RPS6KC1: variants seen among roughly 807,000 people sequenced by gnomAD.
RPS6KC1 encodes ribosomal protein S6 kinase C1, also known as inactive ribosomal protein S6 kinase delta-1.
Under a neutral mutation model 103.8 loss-of-function variants are expected in RPS6KC1, and 54 were observed. The ratio of observed to expected loss-of-function variants is 0.52; its 90% CI spans 0.42 to 0.65. The LOEUF (loss-of-function observed/expected upper bound fraction) is 0.65, where lower values mean the gene tolerates loss of function less well. Among genes scored for constraint, RPS6KC1 ranks in the 30% least tolerant of loss-of-function variants. The probability of loss-of-function intolerance (pLI) is 0.00; values close to 1 mark genes in which losing one functional copy is unlikely to be tolerated. For synonymous variants in RPS6KC1, 439 were observed against 438.7 expected, an observed-to-expected ratio of 1.00 and a Z score of -0.01; for missense variants, 1,151 against 1,253.8, an observed-to-expected ratio of 0.92 and a Z score of 1.24.
At chr1:213,512,849 C>G in the RPS6KC1 span, among the ~76,000 whole-genome samples, 1 of 152,164 alleles carries the variant, frequency 6.6e-6, no homozygotes, top group Non-Finnish European at 1.5e-5. Context: ...GGAATTAGTT[C>G]AAAACACTGG....
chr1:213,168,824 A>C (rs1266832188), intron 7 of RPS6KC1, among the ~76,000 whole-genome samples: 1 of 151,934 alleles, frequency 6.6e-6, no homozygotes, highest in Non-Finnish European at 1.5e-5. Flanking sequence ...GGGTTTCACC[A>C]TGTTAGCCAG....
At chr1:213,689,104 C>G in the RPS6KC1 span, among the ~76,000 whole-genome samples, 1 of 152,200 alleles carries the variant, frequency 6.6e-6, no homozygotes, top group Non-Finnish European at 1.5e-5. Flanking sequence ...CGAACATTCT[C>G]TCTCTTCTGG....
rs1392003572 is a variant in RPS6KC1 at position 213,129,716 on chromosome 1, A to G, written c.662A>G (p.Glu221Gly). 6.2e-7 allele frequency: 1 copy of G among 1,614,116 alleles called. No homozygotes were observed. Among genetic ancestry groups the G allele is most frequent in the South Asian group, 1.1e-5 (1 of 91,074 alleles). The change falls in exon 6 of 15, where the codon GAA (glutamate) becomes GGA (glycine). Residue 221 changes from glutamate (E) to glycine (G), a missense_variant. Glu to Gly is a moderately conservative substitution (Grantham distance 98). Transcript: ENST00000366960. ...SEQSKTEEERESRSLFPGSLK... is the reference protein window; with the variant it reads ...SEQSKTEEERGSRSLFPGSLK... ...CAGAGCAAAACAGAAGAAGAACGGGAAAGTCGTAGCCTCTTTCCTGGCAGT... is the reference window on the plus strand; with the variant it reads ...CAGAGCAAAACAGAAGAAGAACGGGGAAGTCGTAGCCTCTTTCCTGGCAGT...
the RPS6KC1 span, among the ~76,000 whole-genome samples, chr1:213,666,582 T>A: frequency 2.6e-5 from 4 of 152,276 alleles, no homozygotes; most frequent in African/African-American, 7.2e-5. Flanking sequence ...CTAGTTTTTC[T>A]GTATGTTTTG....
At chr1:213,687,984 G>C in the RPS6KC1 span, among the ~76,000 whole-genome samples, 6 of 152,208 alleles carry the variant, frequency 3.9e-5, no homozygotes, top group African/African-American at 1.4e-4. Flanking sequence ...TGCTGAGTAA[G>C]CGTGGGTTTA....
chr1:213,407,640 T>C, the RPS6KC1 span, among the ~76,000 whole-genome samples: 1 of 152,380 alleles, frequency 6.6e-6, no homozygotes, highest in Non-Finnish European at 1.5e-5. Context: ...AAACATACTG[T>C]GCATTTAACA....
At chr1:213,311,470 C>G in the RPS6KC1 span, among the ~76,000 whole-genome samples, 1 of 152,242 alleles carries the variant, frequency 6.6e-6, no homozygotes, top group South Asian at 2.1e-4. Flanking sequence ...TTTACATATA[C>G]AATTTCTGGT....
chr1:213,158,677 T>A (rs2090165261), intron 6 of RPS6KC1, among the ~76,000 whole-genome samples: 2 of 152,204 alleles, frequency 1.3e-5, no homozygotes, highest in Admixed American at 6.5e-5. Flanking sequence ...TATTTTTTTT[T>A]AAACTTTTTT....
intron 6 of RPS6KC1, among the ~76,000 whole-genome samples, chr1:213,132,637 AG>A (rs373858759): frequency 1.3e-5 from 2 of 152,312 alleles, no homozygotes; most frequent in African/African-American, 4.8e-5. Context: ...CCTTGGGTAA[AG>A]TTTGTTCTGG....
At chr1:213,800,773 G>A in the RPS6KC1 span, among the ~76,000 whole-genome samples, 2,812 of 152,214 alleles carry the variant, frequency 0.018, 101 homozygotes, top group African/African-American at 0.065. Context: ...AAATCTGAGA[G>A]CATCAAAGTT....
the RPS6KC1 span, among the ~76,000 whole-genome samples, chr1:213,790,632 A>G: frequency 6.6e-6 from 1 of 152,182 alleles, no homozygotes; most frequent in African/African-American, 2.4e-5. Flanking sequence ...GAAGAAAGAG[A>G]GAAAACGTTT....
At chr1:213,127,926 A>G (rs1017524452) in intron 5 of RPS6KC1, among the ~76,000 whole-genome samples, 3 of 152,240 alleles carry the variant, frequency 2.0e-5, no homozygotes, top group African/African-American at 7.2e-5. Flanking sequence ...TAAAAGATCC[A>G]TTCAGTGTGC....
chr1:213,192,405 G>A (rs2092781593), intron 8 of RPS6KC1, among the ~76,000 whole-genome samples: 1 of 152,124 alleles, frequency 6.6e-6, no homozygotes, highest in Admixed American at 6.6e-5. Context: ...CATAGACTGA[G>A]TTTGGAAGTA....
At chr1:213,095,116 C>G (rs993747418) in intron 3 of RPS6KC1, among the ~76,000 whole-genome samples, 1 of 152,186 alleles carries the variant, frequency 6.6e-6, no homozygotes, top group Non-Finnish European at 1.5e-5. Flanking sequence ...CTGATACCCT[C>G]TTGGTGAAAT....
intron 8 of RPS6KC1, among the ~76,000 whole-genome samples, chr1:213,186,814 T>C (rs931678402): frequency 1.3e-5 from 2 of 152,198 alleles, no homozygotes; most frequent in Non-Finnish European, 2.9e-5. Context: ...GTCTTTGAGC[T>C]TTCCAGTTCT....
rs1013045963 is a variant in RPS6KC1, at chr1:213,107,278, C to G, written c.378+2709C>G. On this transcript the variant is annotated intron_variant, in intron 4 of 14. Coordinates refer to ENST00000366960, the MANE Select transcript of RPS6KC1 (RefSeq NM_012424.6). The stretch of plus-strand genomic sequence containing the variant: ...TTAGATCATTTCCATTACCGCACCT[C>G]TGTGTCTACTTGCTATGGTGATCCC... Among the ~76,000 whole-genome samples the G allele has an allele frequency of 2.0e-5, 3 of 152,182 alleles. No individual in the cohort carries two copies. In the East Asian group the frequency reaches 5.8e-4, roughly 29 times the overall value.
At chr1:213,720,400 G>A in the RPS6KC1 span, among the ~76,000 whole-genome samples, 1 of 152,236 alleles carries the variant, frequency 6.6e-6, no homozygotes, top group South Asian at 2.1e-4. Flanking sequence ...CGTTCCAAAG[G>A]TTCTTGATTG....
In RPS6KC1 at chr1:213,261,518, C is replaced by A. The variant is rs745748643; in HGVS notation, c.2912-40C>A. ...ATGTTAATTTTGAAAGTTTAATTGACCTTTGGAATTTTAATATCAACCTTT... is the reference window on the plus strand; with the variant it reads ...ATGTTAATTTTGAAAGTTTAATTGAACTTTGGAATTTTAATATCAACCTTT... On this transcript the variant is annotated intron_variant, in intron 12 of 14. Coordinates refer to ENST00000366960, the MANE Select transcript of RPS6KC1 (RefSeq NM_012424.6). 2.8e-5 allele frequency: 44 copies of A among 1,566,486 alleles called. No homozygotes were observed. The Admixed American group carries it at 2.8e-4, about 10-fold the overall frequency.
At chr1:213,745,941 C>T in the RPS6KC1 span, among the ~76,000 whole-genome samples, 8 of 152,076 alleles carry the variant, frequency 5.3e-5, no homozygotes, top group Admixed American at 1.3e-4. Context: ...CCTTGATCTA[C>T]GAGGACCCAC....
Sources: allele counts gnomAD v4.1 joint callset (sites outside exome capture counted in the v4.1 genomes callset), GRCh38; gene constraint gnomAD v4.1.1; transcripts MANE v1.5; gene names NCBI Gene and HGNC (gene_info 2026-07-23, HGNC 2026-07-21).